Variants in LAPTM4B observed in about 807,000 individuals in gnomAD.
The protein encoded by LAPTM4B is lysosomal-associated transmembrane protein 4B.
A neutral mutation model predicts 28.5 loss-of-function variants in LAPTM4B; 26 were observed. The observed-to-expected ratio is 0.91, with a 90% CI of 0.67 to 1.27. LAPTM4B has a LOEUF of 1.27. LAPTM4B is among the 50% of genes most tolerant of loss of function. The probability of loss-of-function intolerance (pLI) is 0.00; values close to 1 mark genes in which losing one functional copy is unlikely to be tolerated. For missense variants in LAPTM4B, 288 were observed against 285.8 expected, an observed-to-expected ratio of 1.01 and a Z score of -0.06; for synonymous variants, 109 against 106.4, an observed-to-expected ratio of 1.02 and a Z score of -0.15.
intron 1 of LAPTM4B, among the ~76,000 whole-genome samples, chr8:97,776,697 C>A (rs1050598540): frequency 2.6e-5 from 4 of 151,942 alleles, no homozygotes; most frequent in Admixed American, 6.6e-5. Context: ...GGGTCCCCCC[C>A]CCGATGTTTT....
At chr8:97,827,752 G>T (rs554958578) in intron 6 of LAPTM4B, among the ~76,000 whole-genome samples, 130 of 152,306 alleles carry the variant, frequency 8.5e-4, no homozygotes, top group Non-Finnish European at 1.4e-3. Context: ...GTGCGAGCGG[G>T]CTGAGTCCGA....
intron 6 of LAPTM4B, among the ~76,000 whole-genome samples, chr8:97,835,559 T>A (rs1817246556): frequency 6.6e-6 from 1 of 152,178 alleles, no homozygotes; most frequent in South Asian, 2.1e-4. Context: ...AACTGTGGAT[T>A]TTATTGAGTA....
chr8:97,847,582 T>C (rs1303228979), intron 6 of LAPTM4B, among the ~76,000 whole-genome samples: 1 of 152,232 alleles, frequency 6.6e-6, no homozygotes, highest in African/African-American at 2.4e-5. Context: ...TGATCTCCTA[T>C]AGTTATTTTC....
chr8:97,777,624 C>T (rs1161418990), intron 1 of LAPTM4B, among the ~76,000 whole-genome samples: 1 of 152,240 alleles, frequency 6.6e-6, no homozygotes, highest in South Asian at 2.1e-4. Flanking sequence ...TTTATAGTTT[C>T]AAGTTTCCTT....
At chr8:97,808,675 G>T (rs541137756) in intron 2 of LAPTM4B, among the ~76,000 whole-genome samples, 2 of 152,216 alleles carry the variant, frequency 1.3e-5, no homozygotes, top group East Asian at 3.9e-4. Context: ...TTACAGACTG[G>T]GTGCGGTGGC....
At chr8:97,798,564 G>A (rs2245044) in intron 1 of LAPTM4B, among the ~76,000 whole-genome samples, 60,066 of 151,892 alleles carry the variant, frequency 0.4, 13,097 homozygotes, top group Middle Eastern at 0.52. Flanking sequence ...TTGGTCCCCC[G>A]AGAGAAAGAA....
At chr8:97,811,598 A>G (rs4735498) in intron 2 of LAPTM4B, among the ~76,000 whole-genome samples, 68,597 of 151,950 alleles carry the variant, frequency 0.45, 15,962 homozygotes, top group East Asian at 0.58. Flanking sequence ...ATGGCTCTCA[A>G]CATCACAAAC....
intron 1 of LAPTM4B, among the ~76,000 whole-genome samples, chr8:97,801,738 T>C (rs1222552807): frequency 6.6e-6 from 1 of 150,952 alleles, no homozygotes; most frequent in East Asian, 1.9e-4. Flanking sequence ...AGCTACAGGC[T>C]CCTACTGAGG....
rs1816965963 is a variant in LAPTM4B, at chr8:97,819,146, A to C, written c.415A>C (p.Asn139His). The C allele has an allele frequency of 1.3e-6, 2 of 1,599,874 alleles. No homozygotes were observed. The highest frequency in any genetic ancestry group is 4.5e-5 in the East Asian group (2 of 44,752). Residue 139 changes from asparagine (N) to histidine (H), a missense_variant, in exon 5 of 7, where the codon AAT becomes CAT. By Grantham distance (68) the Asn-to-His change is moderately conservative. Coordinates refer to ENST00000521545, the MANE Select transcript of LAPTM4B (RefSeq NM_018407.6). Reference protein sequence around the residue: ...IQEYIRQLPPNFPYRDDVMSV... With the variant: ...IQEYIRQLPPHFPYRDDVMSV... ...AGGCCCTTTTCTTTTGCAGCCTCCTAATTTTCCCTACAGAGATGATGTCAT... is the reference window on the plus strand; with the variant it reads ...AGGCCCTTTTCTTTTGCAGCCTCCTCATTTTCCCTACAGAGATGATGTCAT...
intron 1 of LAPTM4B, 113 bp from the exon 2 acceptor site, chr8:97,805,240 A>G (rs1308535705): frequency 3.2e-6 from 2 of 628,948 alleles, no homozygotes; most frequent in East Asian, 2.7e-5. Flanking sequence ...CAAGCCACTG[A>G]AGAAGTTGCC....
rs910559109 is a variant in LAPTM4B at position 97,814,080 on chromosome 8, G to A, written c.212-1248G>A. On this transcript the variant is annotated intron_variant, in intron 2 of 6. Coordinates refer to ENST00000521545, the MANE Select transcript of LAPTM4B (RefSeq NM_018407.6). ...GTTTAAGATATTTTTGTCCGGGTGC[G>A]GTGACTTATGCCTATAATCCCATAG... Among the ~76,000 whole-genome samples the A allele has an allele frequency of 6.2e-4, 94 of 152,206 alleles. 1 individual carries two copies. The highest frequency in any genetic ancestry group is 3.1e-3 in the Admixed American group (48 of 15,266).
intron 6 of LAPTM4B, among the ~76,000 whole-genome samples, chr8:97,825,634 T>C (rs181341617): frequency 9.2e-5 from 14 of 152,354 alleles, no homozygotes; most frequent in Admixed American, 9.2e-4. Context: ...ATTTAGATGA[T>C]CTCTGTTCTG....
chr8:97,815,836 G>A (rs573133753), intron 3 of LAPTM4B, among the ~76,000 whole-genome samples: 1 of 152,202 alleles, frequency 6.6e-6, no homozygotes, highest in African/African-American at 2.4e-5. Flanking sequence ...CCAAAATGCT[G>A]GGATTACAGG....
chr8:97,851,444 G>A lies in LAPTM4B; in HGVS notation c.651G>A (p.Lys217=), dbSNP rs1563626181. 6.2e-7 allele frequency: 1 copy of A among 1,614,166 alleles called. No individual in the cohort carries two copies. The highest frequency in any genetic ancestry group is 2.2e-5 in the East Asian group (1 of 44,886). Residue 217 remains lysine, a synonymous_variant, in exon 7 of 7, where the codon AAG becomes AAA. Transcript: ENST00000521545. ...YDDATVNGAA[K]EPPPPYVSA is the part of the protein sequence containing the mutation. ...ATGCCACTGTGAATGGTGCTGCCAA[G>A]GAGCCACCGCCACCTTACGTGTCTG... is the stretch of plus-strand genomic sequence containing the variant.
intron 2 of LAPTM4B, 129 bp downstream of exon 2, chr8:97,805,593 A>G (rs1816747658): frequency 1.5e-6 from 1 of 653,246 alleles, no homozygotes; most frequent in African/African-American, 1.8e-5. Flanking sequence ...AAATCAACGA[A>G]TATTTGTGTG....
chr8:97,805,390 C>T lies in LAPTM4B; in HGVS notation c.137C>T (p.Ala46Val). The change falls in exon 2 of 7, where the codon GCC becomes GTC. Residue 46 changes from alanine (A) to valine (V), a missense_variant. Coordinates refer to ENST00000521545, the MANE Select transcript of LAPTM4B (RefSeq NM_018407.6). ...NAVVLLILLS[A>V]LADPDQYNFS... ...GTGGTACTGTTGATTTTATTGAGTGCCCTGGCTGATCCGGATCAGTATAAC... is the reference window on the plus strand; with the variant it reads ...GTGGTACTGTTGATTTTATTGAGTGTCCTGGCTGATCCGGATCAGTATAAC... The T allele has an allele frequency of 1.2e-6, 2 of 1,600,984 alleles. No homozygotes were observed. Among genetic ancestry groups the T allele is most frequent in the Admixed American group, 3.4e-5 (2 of 58,862 alleles).
chr8:97,810,295 C>G (rs1195089387), intron 2 of LAPTM4B, among the ~76,000 whole-genome samples: 1 of 152,060 alleles, frequency 6.6e-6, no homozygotes, highest in African/African-American at 2.4e-5. Context: ...GGAGGAGACA[C>G]AATTAAATGC....
chr8:97,805,564 A>T (rs1816747096), intron 2 of LAPTM4B, 100 bp downstream of exon 2: 2 of 714,422 alleles, frequency 2.8e-6, no homozygotes, highest in Admixed American at 2.2e-5. Context: ...ATTTGAGCTG[A>T]TATATAACTT....
At chr8:97,778,486 T>C (rs758611308) in intron 1 of LAPTM4B, among the ~76,000 whole-genome samples, 1 of 152,082 alleles carries the variant, frequency 6.6e-6, no homozygotes, top group South Asian at 2.1e-4. Flanking sequence ...ACTTAACTTG[T>C]GCAAGCTGAC....
Sources: allele counts gnomAD v4.1 joint callset (sites outside exome capture counted in the v4.1 genomes callset), GRCh38; gene constraint gnomAD v4.1.1; transcripts MANE v1.5; gene names NCBI Gene and HGNC (gene_info 2026-07-23, HGNC 2026-07-21).